Variants in PACSIN2 observed in about 807,000 individuals in gnomAD.
The protein encoded by PACSIN2 is protein kinase C and casein kinase substrate in neurons protein 2.
A neutral mutation model predicts 63.8 loss-of-function variants in PACSIN2; 25 were observed. That is an observed-to-expected ratio of 0.39 (90% CI 0.29 to 0.55). The LOEUF is 0.55. PACSIN2 is among the 20% of genes least tolerant of loss of function. The pLI, the probability that PACSIN2 is intolerant of heterozygous loss-of-function variation, is 0.62. For synonymous variants in PACSIN2, 255 were observed against 256.2 expected (o/e 1.00, Z 0.05); for missense variants, 518 against 646.9 (o/e 0.80, Z 2.16).
rs532865058 is a variant in PACSIN2, at chr22:42,979,251, C to T, written c.-78+35770G>A. Among the ~76,000 whole-genome samples, 7 of 152,064 alleles carry T rather than the reference C, an allele frequency of 4.6e-5. No individual in the cohort carries two copies. In the East Asian group the frequency reaches 5.8e-4, roughly 13 times the overall value. ...AAATATAGAGATATTTGGCCAGGTG[C>T]GGTGGCTCATGCCTGCAATCTCAGC... On this transcript the variant is annotated intron_variant, in intron 1 of 10. Coordinates refer to ENST00000263246, the MANE Select transcript of PACSIN2 (RefSeq NM_001184970.3).
intron 1 of PACSIN2, 26 bp from the exon 2 acceptor site, chr22:42,912,183 G>A: frequency 1.3e-6 from 1 of 749,384 alleles, no homozygotes; most frequent in South Asian, 1.9e-5. Context: ...ATATAACATA[G>A]TGGTTTTTAA....
chr22:43,000,810 G>A (rs1923718583), intron 1 of PACSIN2, among the ~76,000 whole-genome samples: 1 of 152,238 alleles, frequency 6.6e-6, no homozygotes, highest in African/African-American at 2.4e-5. Context: ...CTTTCACTCA[G>A]TCTTCATAAA....
chr22:42,908,479 A>T (rs780460949), intron 2 of PACSIN2, among the ~76,000 whole-genome samples: 1 of 152,230 alleles, frequency 6.6e-6, no homozygotes, highest in Non-Finnish European at 1.5e-5. Flanking sequence ...GAAGGCCTGG[A>T]AGCAGTGCCC....
At chr22:42,996,978 T>G (rs1044371812) in intron 1 of PACSIN2, among the ~76,000 whole-genome samples, 1 of 152,228 alleles carries the variant, frequency 6.6e-6, no homozygotes, top group Non-Finnish European at 1.5e-5. Flanking sequence ...TTTTTAAAAA[T>G]AATTCTGATA....
chr22:42,924,279 T>G (rs5759039), intron 1 of PACSIN2, among the ~76,000 whole-genome samples: 30,560 of 152,070 alleles, frequency 0.2, 5,294 homozygotes, highest in East Asian at 0.73. Flanking sequence ...GGCTGCAGTC[T>G]TCTTCCCTCT....
At chr22:42,893,117 G>T (rs1355984667) in intron 3 of PACSIN2, among the ~76,000 whole-genome samples, 2 of 152,212 alleles carry the variant, frequency 1.3e-5, no homozygotes, top group Non-Finnish European at 2.9e-5. Flanking sequence ...AGCTCTCAGT[G>T]TTAGAAACTA....
Position 42,993,999 on chromosome 22 carries a change from C to T in PACSIN2, c.-78+21022G>A, listed in dbSNP as rs573476095. Reference sequence around the variant, plus strand: ...TGCTGCTGGGACAAGTTCCATAAGTCAACATTAAAAACTCTTCAGTGGGAT... The same window carrying T: ...TGCTGCTGGGACAAGTTCCATAAGTTAACATTAAAAACTCTTCAGTGGGAT... On this transcript the variant is annotated intron_variant, in intron 1 of 10. Coordinates refer to ENST00000263246, the MANE Select transcript of PACSIN2 (RefSeq NM_001184970.3). Among the ~76,000 whole-genome samples, 386 of 152,286 alleles carry T rather than the reference C, an allele frequency of 2.5e-3. 2 individuals carry two copies. The highest frequency in any genetic ancestry group is 9.2e-3 in the African/African-American group (381 of 41,556).
chr22:42,961,166 T>C (rs1393223113), intron 1 of PACSIN2, among the ~76,000 whole-genome samples: 1 of 152,240 alleles, frequency 6.6e-6, no homozygotes, highest in African/African-American at 2.4e-5. Flanking sequence ...CTGTGCTAAG[T>C]GGATATACAC....
At chr22:43,000,512 A>T (rs1923700605) in intron 1 of PACSIN2, among the ~76,000 whole-genome samples, 1 of 152,188 alleles carries the variant, frequency 6.6e-6, no homozygotes, top group Admixed American at 6.5e-5. Flanking sequence ...AGCTCATGTT[A>T]TGTTAAACTA....
At chr22:42,909,631 AAGG>A (rs1324604459) in intron 2 of PACSIN2, 14 of 470,138 alleles carry the variant, frequency 3.0e-5, no homozygotes, top group Non-Finnish European at 8.8e-6. Context: ...TTTCAGGCAA[AAGG>A]AGATGTTCTT....
At chr22:42,904,239 G>A (rs141610192) in intron 2 of PACSIN2, among the ~76,000 whole-genome samples, 24 of 152,198 alleles carry the variant, frequency 1.6e-4, no homozygotes, top group Non-Finnish European at 2.6e-4. Context: ...CACAGATGTC[G>A]AGAAGGCCCC....
At chr22:42,974,890 C>T (rs1339119138) in intron 1 of PACSIN2, among the ~76,000 whole-genome samples, 2 of 152,054 alleles carry the variant, frequency 1.3e-5, no homozygotes, top group African/African-American at 2.4e-5. Flanking sequence ...GGGAATTAGT[C>T]CTCTTTTCCT....
At chr22:42,894,561 G>A (rs1011209722) in intron 2 of PACSIN2, among the ~76,000 whole-genome samples, 1 of 152,218 alleles carries the variant, frequency 6.6e-6, no homozygotes, top group African/African-American at 2.4e-5. Context: ...TTTTCAAAGG[G>A]TTCCAAGTAG....
At position 42,871,533 on chromosome 22, in the gene PACSIN2, G is replaced by A. The variant is rs549200335; in HGVS notation, c.1349-64C>T. ...GACACCGACGGTGGGCTACAGAGCC[G>A]CATTCACGAGCTTTGAGCCCACAGA... is the stretch of plus-strand genomic sequence containing the variant. On this transcript the variant is annotated intron_variant, in intron 10 of 10. Coordinates refer to ENST00000263246, the MANE Select transcript of PACSIN2 (RefSeq NM_001184970.3). This position sits in a 1 kb window ranked among gnomAD's most constrained non-coding sequence, Gnocchi z 5.4. 2,097 of 1,264,594 alleles carry A rather than the reference G, an allele frequency of 1.7e-3. 3 individuals are homozygous for A. The highest frequency in any genetic ancestry group is 2.2e-3 in the Non-Finnish European group (1,880 of 862,660). 78.3% of individuals were successfully genotyped at this position (1,264,594 alleles called of 1,614,324 possible).
intron 1 of PACSIN2, among the ~76,000 whole-genome samples, chr22:42,947,963 T>C (rs1316413734): frequency 6.6e-6 from 1 of 152,152 alleles, no homozygotes; most frequent in Non-Finnish European, 1.5e-5. Context: ...CGATGGACAC[T>C]TGAACAACCT....
intron 1 of PACSIN2, among the ~76,000 whole-genome samples, chr22:42,967,664 G>A (rs1045692340): frequency 7.9e-5 from 12 of 152,254 alleles, no homozygotes; most frequent in Admixed American, 2.0e-4. Context: ...CGAGGCGGGC[G>A]GATCACGAGG....
At chr22:42,937,466 T>C (rs1249936448) in intron 1 of PACSIN2, among the ~76,000 whole-genome samples, 1 of 151,996 alleles carries the variant, frequency 6.6e-6, no homozygotes, top group Non-Finnish European at 1.5e-5. Flanking sequence ...CAAAATGACC[T>C]CTTTGTTCAA....
intron 1 of PACSIN2, among the ~76,000 whole-genome samples, chr22:42,988,615 T>C (rs906440020): frequency 2.0e-5 from 3 of 152,112 alleles, no homozygotes; most frequent in African/African-American, 7.2e-5. Flanking sequence ...GTATGAAGAT[T>C]TCAGTGAAAT....
In PACSIN2 at chr22:42,972,069, G is replaced by T. The variant is rs565861599; in HGVS notation, c.-78+42952C>A. ...AATGGCGGTTTTGTCCAATGGGGGGGGGAAATGTGGGGAAAAGAAAGAGAA... is the reference window on the plus strand; with the variant it reads ...AATGGCGGTTTTGTCCAATGGGGGGTGGAAATGTGGGGAAAAGAAAGAGAA... On this transcript the variant is annotated intron_variant, in intron 1 of 10. Coordinates refer to ENST00000263246, the MANE Select transcript of PACSIN2 (RefSeq NM_001184970.3). 4.4e-4 allele frequency among the ~76,000 whole-genome samples: 67 copies of T among 152,334 alleles called. 1 individual carries two copies. In the South Asian group the frequency reaches 8.1e-3, roughly 18 times the overall value.
Sources: allele counts gnomAD v4.1 joint callset (sites outside exome capture counted in the v4.1 genomes callset), GRCh38; gene constraint gnomAD v4.1.1; non-coding constraint Gnocchi (gnomAD v3.1); transcripts MANE v1.5; gene names NCBI Gene and HGNC (gene_info 2026-07-23, HGNC 2026-07-21).